NME9: variants seen among roughly 807,000 people sequenced by gnomAD.
NME9 encodes the protein thioredoxin domain-containing protein 6.
A neutral mutation model predicts 44.4 loss-of-function variants in NME9; 48 were observed. That is an observed-to-expected ratio of 1.08 (90% CI 0.86 to 1.37). NME9 has a LOEUF of 1.37. NME9 is among the 40% of genes most tolerant of loss of function. The pLI, the probability that NME9 is intolerant of heterozygous loss-of-function variation, is 0.00. For synonymous variants in NME9, 139 were observed against 147.1 expected (o/e 0.94, Z 0.40); for missense variants, 325 against 405.2 (o/e 0.80, Z 1.70).
At chr3:138,314,551 C>T (rs533628593) in intron 5 of NME9, 144 bp from the exon 6 acceptor site, 4 of 569,182 alleles carry the variant, frequency 7.0e-6, no homozygotes, top group African/African-American at 3.9e-5. Flanking sequence ...GGAAACTTTA[C>T]AGGACCCTTT....
At chr3:138,280,533 G>C (rs571302917) in intron 8 of NME9, among the ~76,000 whole-genome samples, 2 of 147,888 alleles carry the variant, frequency 1.4e-5, no homozygotes, top group East Asian at 4.0e-4. Flanking sequence ...TCGCTCTGTC[G>C]CCCAGGCTGG....
At chr3:138,315,465 G>A (rs2108449507) in intron 5 of NME9, 62 bp downstream of exon 5, 3 of 1,124,530 alleles carry the variant, frequency 2.7e-6, no homozygotes, top group South Asian at 1.4e-5. Context: ...GATGGGGACT[G>A]CTGATCTCGC....
chr3:138,272,795 C>T (rs1252591401), intron 8 of NME9, among the ~76,000 whole-genome samples: 1 of 152,114 alleles, frequency 6.6e-6, no homozygotes, highest in Admixed American at 6.5e-5. Flanking sequence ...TTGCTTGAAC[C>T]CGGGAGGCAG....
chr3:138,324,700 ACACAC>A (rs2053669558), intron 2 of NME9, 168 bp downstream of exon 2: 6 of 72,540 alleles, frequency 8.3e-5, no homozygotes, highest in Non-Finnish European at 1.9e-4. Flanking sequence ...AGATACACAC[ACACAC>A]ACACACACAC....
intron 8 of NME9, among the ~76,000 whole-genome samples, chr3:138,266,815 T>A (rs1380328820): frequency 3.3e-5 from 5 of 152,160 alleles, no homozygotes; most frequent in Admixed American, 2.0e-4. Flanking sequence ...GGGGCTTGAC[T>A]GATGGAGTAG....
At chr3:138,271,798 C>CTTTCTTTTTT (rs1018824241) in intron 8 of NME9, among the ~76,000 whole-genome samples, 2 of 136,136 alleles carry the variant, frequency 1.5e-5, no homozygotes, top group African/African-American at 5.7e-5. Context: ...TTTTTTCTTT[C>CTTTCTTTTTT]TTTTTTTTTT....
At chr3:138,289,987 C>T (rs571054031) in intron 8 of NME9, among the ~76,000 whole-genome samples, 1 of 152,296 alleles carries the variant, frequency 6.6e-6, no homozygotes, top group Non-Finnish European at 1.5e-5. Flanking sequence ...CTAGATACCA[C>T]GTACCACTTG....
Position 138,270,173 on chromosome 3 carries a change from A to T in NME9, c.746-7587T>A, listed in dbSNP as rs376491748. The T allele has an allele frequency of 9.5e-5, 130 of 1,374,044 alleles. No homozygotes were observed. The African/African-American group carries it at 1.7e-3, about 18-fold the overall frequency. 85.1% of individuals were successfully genotyped at this position (1,374,044 alleles called of 1,614,324 possible). ...ATATATATCATAACTTACAAAAGGA[A>T]TACAGCTATTGTCTAAGTTAGAACT... On this transcript the variant is annotated intron_variant, in intron 8 of 8. Transcript: ENST00000317876.
In NME9 at chr3:138,269,303, T is replaced by C. The variant is rs1314399121; in HGVS notation, c.746-6717A>G. ...TATAATCCTCTTGACAAGTGACCTT[T>C]AAGCATTCATCGGTGATGGTAAATC... is the stretch of plus-strand genomic sequence containing the variant. On this transcript the variant is annotated intron_variant, in intron 8 of 8. Coordinates refer to the NME9 transcript ENST00000317876. Among the ~76,000 whole-genome samples the C allele has an allele frequency of 2.6e-5, 4 of 152,236 alleles. No homozygotes were observed. In the South Asian group the frequency reaches 6.2e-4, roughly 24 times the overall value.
At chr3:138,293,763 CAT>C (rs1256065838) in intron 8 of NME9, among the ~76,000 whole-genome samples, 2 of 152,140 alleles carry the variant, frequency 1.3e-5, no homozygotes, top group African/African-American at 4.8e-5. Flanking sequence ...GGTTTTATCT[CAT>C]ATTTATTCAG....
At chr3:138,296,057 C>A, downstream of NME9, 1 of 570,134 alleles carries the variant, frequency 1.8e-6, no homozygotes, top group Non-Finnish European at 2.9e-6. Flanking sequence ...ATCTTGAGAA[C>A]ATTTTTTTGA....
chr3:138,305,853 G>T, intron 8 of NME9, 151 bp downstream of exon 8: 1 of 651,814 alleles, frequency 1.5e-6, no homozygotes, highest in Non-Finnish European at 2.8e-6. Context: ...ACAGCCTATT[G>T]TCATTCTGAG....
exon 9 of NME9, chr3:138,262,548 G>A: frequency 6.2e-7 from 1 of 1,612,182 alleles, no homozygotes; most frequent in Non-Finnish European, 8.5e-7. Context: ...TTTTAGTCTA[G>A]GTCAGTGATC....
intron 4 of NME9, among the ~76,000 whole-genome samples, chr3:138,316,911 G>A (rs569963295): frequency 3.9e-5 from 6 of 152,242 alleles, no homozygotes; most frequent in East Asian, 1.9e-4. Context: ...CACTGCACCC[G>A]GCCAAAAGTC....
chr3:138,307,967 C>T (rs979137855), intron 6 of NME9, among the ~76,000 whole-genome samples: 1 of 152,162 alleles, frequency 6.6e-6, no homozygotes, highest in Admixed American at 6.5e-5. Flanking sequence ...CAGATTGCTG[C>T]AGGTCGGGGC....
intron 8 of NME9, among the ~76,000 whole-genome samples, chr3:138,280,150 C>T (rs2049740730): frequency 6.6e-6 from 1 of 152,048 alleles, no homozygotes; most frequent in African/African-American, 2.4e-5. Flanking sequence ...CTGATCTGCC[C>T]ACCTCGGCCT....
intron 8 of NME9, among the ~76,000 whole-genome samples, chr3:138,294,762 T>C (rs1479813134): frequency 6.6e-6 from 1 of 152,178 alleles, no homozygotes; most frequent in Non-Finnish European, 1.5e-5. Flanking sequence ...AACTTTACCA[T>C]GTTTGTGATA....
chr3:138,310,539 T>C lies in NME9; in HGVS notation c.460+3793A>G, dbSNP rs140376425. 2.3e-3 allele frequency among the ~76,000 whole-genome samples: 348 copies of C among 152,028 alleles called. 1 individual carries two copies. The highest frequency in any genetic ancestry group is 4.3e-3 in the Non-Finnish European group (292 of 67,946). On this transcript the variant is annotated intron_variant, in intron 6 of 10. Coordinates refer to ENST00000333911, the MANE Select transcript of NME9 (RefSeq NM_001349018.2). ...AGCCACAAAACTAGTCACAACAAAT[T>C]TAAAAAAGCAGAAATCATATATATC...
At chr3:138,286,705 G>T (rs1474382029) in intron 8 of NME9, among the ~76,000 whole-genome samples, 2 of 152,000 alleles carry the variant, frequency 1.3e-5, no homozygotes, top group African/African-American at 4.8e-5. Flanking sequence ...AAGATCACTG[G>T]GTGGTTCTTA....
Sources: gnomAD v4.1 joint callset for allele counts (sites outside exome capture counted in the v4.1 genomes callset) on GRCh38, gnomAD v4.1.1 for gene constraint, MANE v1.5 for transcripts, NCBI Gene and HGNC (gene_info 2026-07-23, HGNC 2026-07-21) for gene names.